Variants in CACNA1E observed in about 807,000 individuals in gnomAD.
CACNA1E encodes the protein voltage-dependent R-type calcium channel subunit alpha-1E.
CACNA1E carries 40 observed loss-of-function variants against 259.2 expected under a neutral mutation model. The observed-to-expected ratio is 0.15, with a 90% CI of 0.12 to 0.20. CACNA1E has a LOEUF of 0.20. CACNA1E is among the 10% of genes least tolerant of loss of function. The pLI is 1.00. For synonymous variants in CACNA1E, 1,104 were observed against 1,138.5 expected (o/e 0.97, Z 0.61); for missense variants, 1,874 against 3,040.1 (o/e 0.62, Z 9.02).
intron 6 of CACNA1E, among the ~76,000 whole-genome samples, chr1:181,588,460 TTTTC>T (rs973828241): frequency 6.6e-6 from 1 of 152,136 alleles, no homozygotes; most frequent in Non-Finnish European, 1.5e-5. Context: ...GAAACCGGCG[TTTTC>T]TTTCTTTCTC....
intron 35 of CACNA1E, among the ~76,000 whole-genome samples, chr1:181,771,081 G>T (rs538949551): frequency 6.6e-6 from 1 of 152,210 alleles, no homozygotes; most frequent in African/African-American, 2.4e-5. Flanking sequence ...TTGCTGCATG[G>T]GTCCCCTTTG....
chr1:181,683,798 A>G (rs930987947), intron 7 of CACNA1E, among the ~76,000 whole-genome samples: 12 of 152,182 alleles, frequency 7.9e-5, no homozygotes, highest in African/African-American at 2.2e-4. Context: ...ATACTATTCC[A>G]TGGTGTATAT....
intron 37 of CACNA1E, among the ~76,000 whole-genome samples, chr1:181,775,836 A>G (rs1659925278): frequency 6.6e-6 from 1 of 152,220 alleles, no homozygotes; most frequent in African/African-American, 2.4e-5. Context: ...CACAGCCTGC[A>G]GAGCCTAAAA....
chr1:181,411,328 G>A (rs1657825582), intron 1 of CACNA1E, among the ~76,000 whole-genome samples: 1 of 152,120 alleles, frequency 6.6e-6, no homozygotes, highest in Non-Finnish European at 1.5e-5. Context: ...CTTTCACTTG[G>A]GCAGGTCCAT....
intron 37 of CACNA1E, among the ~76,000 whole-genome samples, chr1:181,772,882 G>A (rs1397797764): frequency 6.6e-6 from 1 of 152,174 alleles, no homozygotes; most frequent in Non-Finnish European, 1.5e-5. Context: ...GTGGTGGGAA[G>A]CCCTACGTGC....
Position 181,389,974 on chromosome 1 carries a change from T to C in CACNA1E, c.-14-23159T>C, listed in dbSNP as rs368928597. On this transcript the variant is annotated intron_variant, in intron 1 of 11. Transcript: ENST00000524607. ...GAGACTGACGTGGCTGCAGCCACAA[T>C]ACAGATGATTTTAGAGGAGGCTGAC... Among the ~76,000 whole-genome samples the C allele has an allele frequency of 1.7e-4, 26 of 152,344 alleles. No homozygotes were observed. The East Asian group carries it at 4.6e-3, about 27-fold the overall frequency.
Position 181,430,910 on chromosome 1 carries a change from C to T in CACNA1E, c.434+17330C>T, listed in dbSNP as rs540510401. On this transcript the variant is annotated intron_variant, in intron 2 of 11. Coordinates refer to the CACNA1E transcript ENST00000524607. ...GATATTACATAAGTTACTTAGCCTT[C>T]CTGAACCTCACTTTCACCATCTATA... Among the ~76,000 whole-genome samples the T allele has an allele frequency of 2.6e-5, 4 of 152,278 alleles. No individual in the cohort carries two copies. In the South Asian group the frequency reaches 8.3e-4, roughly 32 times the overall value.
chr1:181,531,555 G>C lies in CACNA1E; in HGVS notation c.512+20045G>C, dbSNP rs576668787. Among the ~76,000 whole-genome samples the C allele has an allele frequency of 3.3e-5, 5 of 152,324 alleles. No homozygotes were observed. The East Asian group carries it at 7.7e-4, about 23-fold the overall frequency. ...AGGGTTCTGTGCAAACCTGTCCATG[G>C]AGCTGGGCAGGGCGGGAGGTATGGA... On this transcript the variant is annotated intron_variant, in intron 3 of 47. Transcript: ENST00000367573.
intron 2 of CACNA1E, among the ~76,000 whole-genome samples, chr1:181,451,067 G>A (rs1661124801): frequency 6.6e-6 from 1 of 152,222 alleles, no homozygotes; most frequent in Non-Finnish European, 1.5e-5. Context: ...CAAGTGTGGA[G>A]GCATGGGGTG....
At chr1:181,796,639 T>C (rs1299402450) in intron 46 of CACNA1E, 29 bp from the exon 47 acceptor site, 3 of 1,529,590 alleles carry the variant, frequency 2.0e-6, no homozygotes, top group Non-Finnish European at 2.7e-6. Flanking sequence ...GACAGAGTTA[T>C]AACCAAGTGC....
chr1:181,514,882 A>T (rs1666448161), intron 3 of CACNA1E, among the ~76,000 whole-genome samples: 1 of 152,134 alleles, frequency 6.6e-6, no homozygotes, highest in Non-Finnish European at 1.5e-5. Flanking sequence ...GAGGGTGTGC[A>T]TGGTTTAGAA....
At chr1:181,528,607 G>C (rs1226205334) in intron 3 of CACNA1E, among the ~76,000 whole-genome samples, 1 of 152,198 alleles carries the variant, frequency 6.6e-6, no homozygotes, top group Non-Finnish European at 1.5e-5. Flanking sequence ...TGCTGATAGT[G>C]ATAGGAACAA....
At chr1:181,443,866 G>A (rs923825229) in intron 2 of CACNA1E, among the ~76,000 whole-genome samples, 11 of 152,330 alleles carry the variant, frequency 7.2e-5, no homozygotes, top group East Asian at 1.9e-4. Context: ...CTGCCTCACA[G>A]CAGGACTTAG....
intron 37 of CACNA1E, among the ~76,000 whole-genome samples, chr1:181,772,670 A>C (rs1334613158): frequency 6.6e-6 from 1 of 152,162 alleles, no homozygotes; most frequent in Admixed American, 6.5e-5. Flanking sequence ...GCTTGAGAAA[A>C]GGTACCTTGA....
intron 2 of CACNA1E, among the ~76,000 whole-genome samples, chr1:181,435,893 A>G (rs1416174572): frequency 2.6e-5 from 4 of 152,328 alleles, no homozygotes; most frequent in South Asian, 2.1e-4. Flanking sequence ...ATATTTTGCA[A>G]TAAAATGCAG....
intron 7 of CACNA1E, among the ~76,000 whole-genome samples, chr1:181,702,973 C>CT (rs1558284074): frequency 6.6e-6 from 1 of 152,118 alleles, no homozygotes; most frequent in African/African-American, 2.4e-5. Context: ...AGATTTGCTT[C>CT]TTTTTTTGAG....
At chr1:181,636,596 G>A (rs1331631786) in intron 6 of CACNA1E, among the ~76,000 whole-genome samples, 1 of 152,160 alleles carries the variant, frequency 6.6e-6, no homozygotes, top group African/African-American at 2.4e-5. Context: ...AAAACTCCTT[G>A]GAGCACCAGT....
chr1:181,334,318 T>C (rs1300431633), intron 1 of CACNA1E, among the ~76,000 whole-genome samples: 5 of 152,202 alleles, frequency 3.3e-5, no homozygotes, highest in African/African-American at 4.8e-5. Context: ...TCCTAAGGCC[T>C]CTTCTTTATC....
At chr1:181,795,787 T>TATATATATATATATATA (rs1410248740) in intron 46 of CACNA1E, among the ~76,000 whole-genome samples, 37 of 143,636 alleles carry the variant, frequency 2.6e-4, no homozygotes, top group South Asian at 4.7e-4. Flanking sequence ...TATATATATA[T>TATATATATATATATATA]TAGTCTGGCT....
Sources: gnomAD v4.1 joint callset for allele counts (sites outside exome capture counted in the v4.1 genomes callset) on GRCh38, gnomAD v4.1.1 for gene constraint, MANE v1.5 for transcripts, NCBI Gene and HGNC (gene_info 2026-07-23, HGNC 2026-07-21) for gene names.